The following POLR3B variants were observed in gnomAD, a reference collection of about 807,000 sequenced individuals.
The protein encoded by POLR3B is RNA polymerase III subunit B.
A neutral mutation model predicts 147.4 loss-of-function variants in POLR3B; 96 were observed. The ratio of observed to expected loss-of-function variants is 0.65; its 90% confidence interval spans 0.55 to 0.77. The LOEUF is 0.77. Among genes scored for constraint, POLR3B ranks in the 30% least tolerant of loss-of-function variants. The pLI is 0.00. For synonymous variants in POLR3B, 461 were observed against 485.9 expected, an observed-to-expected ratio of 0.95 and a Z score of 0.67; for missense variants, 1,036 against 1,413.5, an observed-to-expected ratio of 0.73 and a Z score of 4.28.
intron 23 of POLR3B, among the ~76,000 whole-genome samples, chr12:106,472,548 T>C (rs1344883126): frequency 3.1e-3 from 472 of 151,060 alleles, no homozygotes; most frequent in East Asian, 0.024. Flanking sequence ...TTTTAATGAT[T>C]GCCATTCTAA....
intron 18 of POLR3B, among the ~76,000 whole-genome samples, chr12:106,442,091 A>T (rs2037659586): frequency 1.3e-5 from 1 of 78,894 alleles, no homozygotes; most frequent in African/African-American, 1.2e-4. Flanking sequence ...AAAAAAAAAA[A>T]AGAAAGAAAG....
At chr12:106,382,373 C>G (rs1476470696) in intron 9 of POLR3B, among the ~76,000 whole-genome samples, 2 of 152,156 alleles carry the variant, frequency 1.3e-5, no homozygotes, top group Non-Finnish European at 2.9e-5. Context: ...CTCTTGTATT[C>G]AAGGGAATCA....
intron 10 of POLR3B, among the ~76,000 whole-genome samples, chr12:106,397,933 G>T (rs566680428): frequency 6.6e-6 from 1 of 152,246 alleles, no homozygotes; most frequent in African/African-American, 2.4e-5. Context: ...GCACTAAGAC[G>T]GGTGATTTCT....
chr12:106,381,440 T>G (rs768413434), intron 9 of POLR3B, among the ~76,000 whole-genome samples: 4 of 152,234 alleles, frequency 2.6e-5, no homozygotes, highest in Non-Finnish European at 5.9e-5. Context: ...TTCAACAATG[T>G]ATACAGCCTC....
intron 23 of POLR3B, among the ~76,000 whole-genome samples, chr12:106,472,363 T>G (rs928110625): frequency 6.6e-6 from 1 of 151,778 alleles, no homozygotes; most frequent in Admixed American, 6.6e-5. Context: ...TTTATAGTCA[T>G]TTGGTTATAT....
intron 23 of POLR3B, among the ~76,000 whole-genome samples, chr12:106,476,830 A>G (rs1462737921): frequency 1.3e-5 from 2 of 152,092 alleles, no homozygotes; most frequent in East Asian, 1.9e-4. Context: ...CCCGTAGCTC[A>G]GAGTAATTTG....
In POLR3B at chr12:106,380,092, A is replaced by G. The variant is rs761968415; in HGVS notation, c.676A>G (p.Arg226Gly). 6.2e-7 allele frequency: 1 copy of G among 1,612,682 alleles called. No homozygotes were observed. ...MAVKQGRFYL[R>G]HNTLSEDIPI... ...TGTGAAACAAGGACGATTTTATTTGAGGCATAATACTTTGTCAGAAGATAT... is the reference window on the plus strand; with the variant it reads ...TGTGAAACAAGGACGATTTTATTTGGGGCATAATACTTTGTCAGAAGATAT... Residue 226 changes from arginine to glycine, a missense_variant, in exon 9 of 28, where the codon AGG becomes GGG. By Grantham distance (125) the Arg-to-Gly change is moderately radical (BLOSUM62 -2). This residue lies in a region of POLR3B where 217 missense variants were observed against 288.7 expected (regional missense o/e 0.75). Transcript: ENST00000228347.
At chr12:106,373,189 T>TA (rs2036633672) in intron 6 of POLR3B, among the ~76,000 whole-genome samples, 1 of 152,234 alleles carries the variant, frequency 6.6e-6, no homozygotes, top group African/African-American at 2.4e-5. Flanking sequence ...ATAGGTATGT[T>TA]AAAATCTCCC....
chr12:106,415,626 A>G (rs962011481), intron 12 of POLR3B, among the ~76,000 whole-genome samples: 3 of 152,202 alleles, frequency 2.0e-5, no homozygotes, highest in Non-Finnish European at 2.9e-5. Context: ...TGCAAAGCCC[A>G]AGACACTTCT....
intron 21 of POLR3B, 125 bp downstream of exon 21, chr12:106,457,421 T>C: frequency 1.4e-6 from 1 of 732,640 alleles, no homozygotes; most frequent in Non-Finnish European, 2.3e-6. Flanking sequence ...CCATCCAAAC[T>C]CAACCAATGA....
chr12:106,440,556 G>A (rs912884462), intron 18 of POLR3B, among the ~76,000 whole-genome samples: 2 of 152,212 alleles, frequency 1.3e-5, no homozygotes, highest in Middle Eastern at 3.4e-3. Context: ...CTCTGCCTTA[G>A]CACCTTTGCA....
rs1027553872 is a variant in POLR3B at position 106,397,926 on chromosome 12, C to G, written c.846+4773C>G. On this transcript the variant is annotated intron_variant, in intron 10 of 27. Transcript: ENST00000228347. ...TACAGCTACCAGCGTGAACGACGCA[C>G]TAAGACGGGTGATTTCTGCCTTTCC... is the stretch of plus-strand genomic sequence containing the variant. 2.6e-5 allele frequency among the ~76,000 whole-genome samples: 4 copies of G among 152,248 alleles called. No homozygotes were observed. The East Asian group carries it at 7.7e-4, about 29-fold the overall frequency.
At chr12:106,501,477 C>A in intron 26 of POLR3B, 41 bp downstream of exon 26, 1 of 1,137,798 alleles carries the variant, frequency 8.8e-7, no homozygotes, top group South Asian at 1.2e-5. Context: ...ATAATGCAGT[C>A]AAGTCCACCT....
chr12:106,471,401 C>T (rs2038089780), intron 23 of POLR3B, among the ~76,000 whole-genome samples: 1 of 152,106 alleles, frequency 6.6e-6, no homozygotes, highest in Non-Finnish European at 1.5e-5. Flanking sequence ...AAGGGAAATC[C>T]CCCAACCCCT....
chr12:106,497,213 C>T (rs2038507567), intron 25 of POLR3B, among the ~76,000 whole-genome samples: 1 of 131,004 alleles, frequency 7.6e-6, no homozygotes, highest in Non-Finnish European at 1.7e-5. Flanking sequence ...TCTTCTTCTT[C>T]CCGTATGACC....
chr12:106,496,804 G>T lies in POLR3B; in HGVS notation c.2870G>T (p.Arg957Ile). Reference sequence around the variant, plus strand: ...GGCAAGGCCGGTGTGCTGGACGGCAGATTCCACTACGGCACTGCGTTTGGA... The same window carrying T: ...GGCAAGGCCGGTGTGCTGGACGGCATATTCCACTACGGCACTGCGTTTGGA... ...LAGKAGVLDG[R>I]FHYGTAFGGS... The change falls in exon 25 of 28, where the codon AGA (arginine) becomes ATA (isoleucine). Residue 957 changes from arginine (R) to isoleucine (I), a missense_variant. This residue lies in a region of POLR3B where 88 missense variants were observed against 87.5 expected (regional missense o/e 1.01). Transcript: ENST00000228347. 1 of 1,614,154 alleles carries T rather than the reference G, an allele frequency of 6.2e-7. No individual in the cohort carries two copies. Among genetic ancestry groups the T allele is most frequent in the Non-Finnish European group, 8.5e-7 (1 of 1,180,018 alleles).
chr12:106,450,936 C>T (rs1180216054), intron 19 of POLR3B, among the ~76,000 whole-genome samples: 25 of 152,036 alleles, frequency 1.6e-4, no homozygotes, highest in Admixed American at 1.6e-3. Flanking sequence ...AACTGCGAAA[C>T]GATGCAAATA....
intron 10 of POLR3B, among the ~76,000 whole-genome samples, chr12:106,404,862 A>G (rs2037127699): frequency 1.3e-5 from 2 of 152,172 alleles, no homozygotes; most frequent in South Asian, 2.1e-4. Flanking sequence ...TTGAAACTTT[A>G]TAGTTTTTAT....
chr12:106,385,587 A>G (rs552635977), intron 9 of POLR3B, among the ~76,000 whole-genome samples: 1 of 152,350 alleles, frequency 6.6e-6, no homozygotes, highest in East Asian at 1.9e-4. Context: ...ATGAGTCTTT[A>G]CTGTTAAAGT....
Sources: allele counts gnomAD v4.1 joint callset (sites outside exome capture counted in the v4.1 genomes callset), GRCh38; gene constraint gnomAD v4.1.1; regional missense constraint gnomAD v4.1.1; transcripts MANE v1.5; gene names NCBI Gene and HGNC (gene_info 2026-07-23, HGNC 2026-07-21).